Variants in NKAIN2 observed in about 807,000 individuals in gnomAD.
NKAIN2 encodes the protein sodium/potassium transporting ATPase interacting 2.
Under a neutral mutation model 32.6 loss-of-function variants are expected in NKAIN2, and 14 were observed. That is an observed-to-expected ratio of 0.43 (90% confidence interval 0.28 to 0.67). The LOEUF (loss-of-function observed/expected upper bound fraction) is 0.67. Ranked by LOEUF, NKAIN2 falls within the 30% of genes least tolerant of loss-of-function variation. The pLI, the probability that NKAIN2 is intolerant of heterozygous loss-of-function variation, is 0.17. For synonymous variants in NKAIN2, 80 were observed against 87.2 expected, an observed-to-expected ratio of 0.92 and a Z score of 0.46; for missense variants, 198 against 258.3, an observed-to-expected ratio of 0.77 and a Z score of 1.60.
chr6:123,833,691 CTGTG>C (rs59906355), intron 1 of NKAIN2, among the ~76,000 whole-genome samples: 1,438 of 129,552 alleles, frequency 0.011, 24 homozygotes, highest in African/African-American at 0.038. Flanking sequence ...ATTTTTTTTC[CTGTG>C]TGTGTGTGTG....
intron 3 of NKAIN2, among the ~76,000 whole-genome samples, chr6:124,450,327 G>T (rs1223780831): frequency 6.6e-6 from 1 of 151,906 alleles, no homozygotes; most frequent in African/African-American, 2.4e-5. Flanking sequence ...ATGTGTACAT[G>T]TATCTATATT....
At chr6:124,530,084 G>A (rs960424909) in intron 3 of NKAIN2, among the ~76,000 whole-genome samples, 3 of 152,168 alleles carry the variant, frequency 2.0e-5, no homozygotes, top group Non-Finnish European at 4.4e-5. Flanking sequence ...GAACCAATAG[G>A]ATATACACAG....
At chr6:124,451,751 A>G (rs1358382991) in intron 3 of NKAIN2, among the ~76,000 whole-genome samples, 1 of 152,152 alleles carries the variant, frequency 6.6e-6, no homozygotes, top group Non-Finnish European at 1.5e-5. Context: ...CTAATCACCA[A>G]ATGGACTTAG....
At chr6:124,446,612 G>A (rs1775904355) in intron 3 of NKAIN2, among the ~76,000 whole-genome samples, 1 of 151,922 alleles carries the variant, frequency 6.6e-6, no homozygotes, top group Non-Finnish European at 1.5e-5. Context: ...CAAAGTGCTG[G>A]AATTACAGGC....
At chr6:124,125,411 A>C (rs1056474810) in intron 1 of NKAIN2, among the ~76,000 whole-genome samples, 1 of 152,152 alleles carries the variant, frequency 6.6e-6, no homozygotes, top group Non-Finnish European at 1.5e-5. Context: ...TGTTTATGAG[A>C]CATCAATTTT....
chr6:124,032,575 CAAAT>C (rs1416682675), intron 1 of NKAIN2, among the ~76,000 whole-genome samples: 1 of 151,804 alleles, frequency 6.6e-6, no homozygotes, highest in Non-Finnish European at 1.5e-5. Flanking sequence ...GGTAAGTAGA[CAAAT>C]AGATAACACA....
intron 3 of NKAIN2, among the ~76,000 whole-genome samples, chr6:124,396,280 G>A (rs575029670): frequency 6.6e-6 from 1 of 151,510 alleles, no homozygotes; most frequent in African/African-American, 2.4e-5. Flanking sequence ...TATTAGAATA[G>A]AATATGAAAG....
intron 4 of NKAIN2, among the ~76,000 whole-genome samples, chr6:124,749,563 C>G (rs573717585): frequency 1.2e-4 from 19 of 152,010 alleles, no homozygotes; most frequent in African/African-American, 4.6e-4. Context: ...GGACAAGGCT[C>G]TAAGAGATTT....
At chr6:124,649,054 C>A (rs1354017621) in intron 3 of NKAIN2, among the ~76,000 whole-genome samples, 1 of 151,950 alleles carries the variant, frequency 6.6e-6, no homozygotes, top group Non-Finnish European at 1.5e-5. Context: ...AATAAGCTAA[C>A]CTTCCAATTT....
At chr6:124,353,860 A>C (rs1265933103) in intron 2 of NKAIN2, among the ~76,000 whole-genome samples, 1 of 152,196 alleles carries the variant, frequency 6.6e-6, no homozygotes, top group Non-Finnish European at 1.5e-5. Flanking sequence ...CAACTGAAAC[A>C]CATGGCTCAA....
intron 1 of NKAIN2, among the ~76,000 whole-genome samples, chr6:123,935,460 A>G (rs1776458629): frequency 6.6e-6 from 1 of 151,756 alleles, no homozygotes; most frequent in Admixed American, 6.6e-5. Context: ...TTTTTTTTAT[A>G]AACTATCAGT....
intron 6 of NKAIN2, among the ~76,000 whole-genome samples, chr6:124,821,628 G>A (rs755794693): frequency 7.8e-4 from 118 of 152,206 alleles, no homozygotes; most frequent in Admixed American, 4.4e-3. Context: ...CCAACTAAAA[G>A]TTATAAAAAA....
At chr6:124,821,206 A>G (rs911367635) in intron 6 of NKAIN2, among the ~76,000 whole-genome samples, 2 of 151,924 alleles carry the variant, frequency 1.3e-5, no homozygotes, top group African/African-American at 2.4e-5. Context: ...GAGGCAGGAG[A>G]ATCTCTGGAA....
chr6:124,487,338 A>T (rs1402210366), intron 3 of NKAIN2, among the ~76,000 whole-genome samples: 1 of 152,186 alleles, frequency 6.6e-6, no homozygotes, highest in Non-Finnish European at 1.5e-5. Flanking sequence ...CTTTTATCTG[A>T]TTATAGACAC....
At chr6:123,934,746 T>C (rs1776421215) in intron 1 of NKAIN2, among the ~76,000 whole-genome samples, 1 of 152,128 alleles carries the variant, frequency 6.6e-6, no homozygotes, top group South Asian at 2.1e-4. Flanking sequence ...ATTCAAAATG[T>C]ATTTTTGGCC....
At chr6:124,615,081 G>A (rs373121856) in intron 3 of NKAIN2, among the ~76,000 whole-genome samples, 4 of 151,872 alleles carry the variant, frequency 2.6e-5, no homozygotes, top group Non-Finnish European at 5.9e-5. Context: ...CTACTCCTTC[G>A]CACTAATTTC....
chr6:123,856,255 AC>A (rs763167058), intron 1 of NKAIN2, among the ~76,000 whole-genome samples: 13 of 152,066 alleles, frequency 8.5e-5, no homozygotes, highest in Non-Finnish European at 1.8e-4. Flanking sequence ...TGATCCTATA[AC>A]TCCAACATTA....
At chr6:124,732,876 A>G (rs528372212) in intron 4 of NKAIN2, among the ~76,000 whole-genome samples, 2 of 152,164 alleles carry the variant, frequency 1.3e-5, no homozygotes, top group Admixed American at 1.3e-4. Flanking sequence ...TCTCATTAAT[A>G]TTTATGTATG....
At chr6:124,600,269 T>G (rs1212576358) in intron 3 of NKAIN2, among the ~76,000 whole-genome samples, 1 of 152,124 alleles carries the variant, frequency 6.6e-6, no homozygotes, top group Non-Finnish European at 1.5e-5. Context: ...TCCTTGTAAG[T>G]AGCTTTTTCA....
Sources: allele counts gnomAD v4.1 joint callset (sites outside exome capture counted in the v4.1 genomes callset), GRCh38; gene constraint gnomAD v4.1.1; transcripts MANE v1.5; gene names NCBI Gene and HGNC (gene_info 2026-07-23, HGNC 2026-07-21).